Variants in ATP6V1H observed in about 807,000 individuals in gnomAD.
ATP6V1H encodes ATPase H+ transporting V1 subunit H.
A neutral mutation model predicts 71.7 loss-of-function variants in ATP6V1H; 39 were observed. The observed-to-expected ratio is 0.54, with a 90% CI of 0.42 to 0.71. The LOEUF (loss-of-function observed/expected upper bound fraction) is 0.71. Ranked by LOEUF, ATP6V1H falls within the 30% of genes least tolerant of loss-of-function variation. ATP6V1H has a pLI of 0.00. For synonymous variants in ATP6V1H, 192 were observed against 199.3 expected (o/e 0.96, Z 0.31); for missense variants, 509 against 594.9 (o/e 0.86, Z 1.50).
chr8:53,717,856 C>T (rs948090050), intron 13 of ATP6V1H, among the ~76,000 whole-genome samples: 1 of 152,122 alleles, frequency 6.6e-6, no homozygotes, highest in Non-Finnish European at 1.5e-5. Flanking sequence ...TCAAATATTT[C>T]AATTTTAGAC....
chr8:53,840,497 C>CAAA (rs111534562), intron 2 of ATP6V1H, among the ~76,000 whole-genome samples: 1 of 125,078 alleles, frequency 8.0e-6, no homozygotes, highest in African/African-American at 2.8e-5. Flanking sequence ...GACTCTGTCT[C>CAAA]AAAAAAAAAA....
At chr8:53,755,023 T>C (rs982979149) in intron 12 of ATP6V1H, among the ~76,000 whole-genome samples, 2 of 152,178 alleles carry the variant, frequency 1.3e-5, no homozygotes, top group African/African-American at 4.8e-5. Flanking sequence ...CTGTTCCCAA[T>C]AAATTTTTCA....
Position 53,772,170 on chromosome 8 carries a change from G to C in ATP6V1H, c.871-3C>G. The C allele has an allele frequency of 6.2e-7, 1 of 1,606,738 alleles. No homozygotes were observed. The highest frequency in any genetic ancestry group is 1.1e-5 in the South Asian group (1 of 90,156). ...TCAGTTGATTTTTCTAAAAAGTTCT[G>C]GGTTAGACAAAGTGATAGTGAGAAA... On this transcript the variant is annotated splice_region_variant and splice_polypyrimidine_tract_variant and intron_variant, in intron 9 of 13. Coordinates refer to ENST00000359530, the MANE Select transcript of ATP6V1H (RefSeq NM_015941.4).
intron 9 of ATP6V1H, among the ~76,000 whole-genome samples, chr8:53,786,905 G>A (rs917018897): frequency 2.0e-5 from 3 of 152,186 alleles, no homozygotes; most frequent in Non-Finnish European, 2.9e-5. Flanking sequence ...GAAAACCATC[G>A]GTGGTGAAGA....
intron 8 of ATP6V1H, among the ~76,000 whole-genome samples, chr8:53,799,732 AT>A (rs1809849530): frequency 6.6e-6 from 1 of 152,082 alleles, no homozygotes; most frequent in Non-Finnish European, 1.5e-5. Flanking sequence ...TTGGGAGGTG[AT>A]TAGGTCATGA....
intron 4 of ATP6V1H, among the ~76,000 whole-genome samples, chr8:53,825,062 T>C (rs1012762146): frequency 6.6e-6 from 1 of 152,168 alleles, no homozygotes. Context: ...ACAAGAAATG[T>C]TGCAAAACCA....
intron 11 of ATP6V1H, among the ~76,000 whole-genome samples, chr8:53,768,073 C>A (rs1808530406): frequency 6.6e-6 from 1 of 152,130 alleles, no homozygotes; most frequent in African/African-American, 2.4e-5. Context: ...ATATGAAGAA[C>A]CCCTACAACT....
intron 12 of ATP6V1H, among the ~76,000 whole-genome samples, chr8:53,747,519 GA>G (rs1289550008): frequency 6.7e-6 from 1 of 150,298 alleles, no homozygotes; most frequent in African/African-American, 2.5e-5. Context: ...GGAATAAAGA[GA>G]AAGCTCTTTT....
At chr8:53,716,721 C>T (rs1806438395) in intron 13 of ATP6V1H, among the ~76,000 whole-genome samples, 1 of 151,548 alleles carries the variant, frequency 6.6e-6, no homozygotes, top group Non-Finnish European at 1.5e-5. Context: ...TTAGAGCACT[C>T]TCATTCAGAA....
intron 11 of ATP6V1H, among the ~76,000 whole-genome samples, chr8:53,764,471 C>T (rs1220912143): frequency 6.6e-6 from 1 of 151,940 alleles, no homozygotes; most frequent in East Asian, 1.9e-4. Flanking sequence ...AATTTAACAT[C>T]CATTCATGAT....
At chr8:53,834,920 C>T (rs1041254162) in intron 2 of ATP6V1H, among the ~76,000 whole-genome samples, 13 of 151,996 alleles carry the variant, frequency 8.6e-5, no homozygotes, top group Non-Finnish European at 1.6e-4. Context: ...GATGGGGGGA[C>T]CCCTTGGGCA....
At chr8:53,837,442 T>C (rs1345286963) in intron 2 of ATP6V1H, among the ~76,000 whole-genome samples, 1 of 147,702 alleles carries the variant, frequency 6.8e-6, no homozygotes, top group Admixed American at 6.8e-5. Flanking sequence ...CAAAAACAAA[T>C]AATCTTGAAA....
intron 9 of ATP6V1H, among the ~76,000 whole-genome samples, chr8:53,786,332 C>T (rs77553481): frequency 1.8e-4 from 27 of 152,192 alleles, no homozygotes; most frequent in African/African-American, 5.5e-4. Flanking sequence ...CAGGATCCTC[C>T]GAGCCAGTTG....
intron 6 of ATP6V1H, among the ~76,000 whole-genome samples, chr8:53,814,131 T>C (rs1810370607): frequency 6.6e-6 from 1 of 152,168 alleles, no homozygotes; most frequent in Non-Finnish European, 1.5e-5. Flanking sequence ...CAGCTTAGCC[T>C]GGTTATGTAA....
intron 9 of ATP6V1H, among the ~76,000 whole-genome samples, chr8:53,784,098 T>C (rs1275905569): frequency 6.6e-6 from 1 of 151,888 alleles, no homozygotes; most frequent in Non-Finnish European, 1.5e-5. Context: ...GGATATCTTG[T>C]TAACTTTCTG....
chr8:53,751,717 T>C (rs1377574784), intron 12 of ATP6V1H, among the ~76,000 whole-genome samples: 1 of 152,068 alleles, frequency 6.6e-6, no homozygotes, highest in Non-Finnish European at 1.5e-5. Flanking sequence ...TCACCCAGAT[T>C]AGAGTACAGT....
chr8:53,735,171 G>C (rs1009754448), intron 13 of ATP6V1H, among the ~76,000 whole-genome samples: 1 of 152,068 alleles, frequency 6.6e-6, no homozygotes, highest in Non-Finnish European at 1.5e-5. Context: ...TCACAGAAAT[G>C]CCAAAATGTG....
intron 9 of ATP6V1H, among the ~76,000 whole-genome samples, chr8:53,782,669 G>T (rs1403154956): frequency 6.6e-6 from 1 of 152,142 alleles, no homozygotes; most frequent in East Asian, 1.9e-4. Context: ...TATGATATTG[G>T]CTGTGGGTTT....
At chr8:53,774,730 A>T (rs1808800952) in intron 9 of ATP6V1H, among the ~76,000 whole-genome samples, 1 of 152,134 alleles carries the variant, frequency 6.6e-6, no homozygotes. Context: ...CACTAGAAAA[A>T]TTTCTACTTT....
Sources: allele counts gnomAD v4.1 joint callset (sites outside exome capture counted in the v4.1 genomes callset), GRCh38; gene constraint gnomAD v4.1.1; transcripts MANE v1.5; gene names NCBI Gene and HGNC (gene_info 2026-07-23, HGNC 2026-07-21).